TMEM135: variants seen among roughly 807,000 people sequenced by gnomAD.
TMEM135 encodes peroxisomal membrane protein 52.
In TMEM135, 30 loss-of-function variants were observed where a neutral mutation model predicts 60.3. The ratio of observed to expected loss-of-function variants is 0.50; its 90% CI spans 0.37 to 0.68. TMEM135 has a LOEUF of 0.68. Among genes scored for constraint, TMEM135 ranks in the 30% least tolerant of loss-of-function variants. The pLI is 0.00. For missense variants in TMEM135, 468 were observed against 548.8 expected (o/e 0.85, Z 1.47); for synonymous variants, 190 against 186.7 (o/e 1.02, Z -0.14).
chr11:87,169,878 A>AAT (rs1168373086), intron 5 of TMEM135, among the ~76,000 whole-genome samples: 1 of 152,106 alleles, frequency 6.6e-6, no homozygotes, highest in Non-Finnish European at 1.5e-5. Flanking sequence ...TCTTCTGGGT[A>AAT]ATATCCTGAA....
chr11:87,108,911 T>A (rs1048047085), intron 4 of TMEM135, among the ~76,000 whole-genome samples: 4 of 152,140 alleles, frequency 2.6e-5, no homozygotes, highest in Non-Finnish European at 5.9e-5. Flanking sequence ...ATACGTCTCA[T>A]GTATAAAAGG....
At chr11:87,313,680 G>A (rs1942679668) in intron 11 of TMEM135, among the ~76,000 whole-genome samples, 192 bp downstream of exon 11, 1 of 151,712 alleles carries the variant, frequency 6.6e-6, no homozygotes, top group Non-Finnish European at 1.5e-5. Flanking sequence ...CTGATGTTTT[G>A]AGTTGGCAAT....
chr11:87,092,536 C>T (rs1857231715), intron 4 of TMEM135, among the ~76,000 whole-genome samples: 1 of 152,036 alleles, frequency 6.6e-6, no homozygotes, highest in African/African-American at 2.4e-5. Context: ...TTAAAATACT[C>T]CAGAAAATTA....
intron 5 of TMEM135, among the ~76,000 whole-genome samples, chr11:87,190,906 T>C (rs904384620): frequency 3.9e-5 from 6 of 152,248 alleles, no homozygotes; most frequent in Admixed American, 2.0e-4. Flanking sequence ...TTGGATAATA[T>C]GTATTTGCAT....
chr11:87,198,719 C>G (rs1009687658), intron 5 of TMEM135, among the ~76,000 whole-genome samples: 2 of 148,618 alleles, frequency 1.3e-5, no homozygotes, highest in African/African-American at 5.0e-5. Context: ...TTTTTTTTTG[C>G]AATGGATGAG....
At chr11:87,316,283 T>TGA (rs1198860981) in intron 12 of TMEM135, among the ~76,000 whole-genome samples, 30 of 150,690 alleles carry the variant, frequency 2.0e-4, no homozygotes, top group South Asian at 8.4e-4. Flanking sequence ...TGTGTGTGTG[T>TGA]GTGAGAGAGA....
chr11:87,043,513 C>G (rs1450734188), intron 1 of TMEM135, among the ~76,000 whole-genome samples: 2 of 151,820 alleles, frequency 1.3e-5, no homozygotes, highest in African/African-American at 2.4e-5. Context: ...ATCACGAGGT[C>G]AGGAAATGGA....
intron 6 of TMEM135, among the ~76,000 whole-genome samples, chr11:87,287,165 T>C (rs993539347): frequency 6.6e-6 from 1 of 152,166 alleles, no homozygotes; most frequent in Non-Finnish European, 1.5e-5. Context: ...ATAAAAGAAA[T>C]TTAGAGCTGA....
At chr11:87,261,017 T>TAA in intron 6 of TMEM135, among the ~76,000 whole-genome samples, 1 of 152,292 alleles carries the variant, frequency 6.6e-6, no homozygotes, top group East Asian at 1.9e-4. Flanking sequence ...TCTGTAATTG[T>TAA]CTTTAGAATC....
chr11:87,069,096 C>G (rs1255245097), intron 2 of TMEM135, among the ~76,000 whole-genome samples: 2 of 144,312 alleles, frequency 1.4e-5, no homozygotes, highest in African/African-American at 5.2e-5. Flanking sequence ...ACCATCCTGG[C>G]TAACACAGTG....
chr11:87,273,230 G>C (rs1270516332), intron 6 of TMEM135, among the ~76,000 whole-genome samples: 1 of 152,140 alleles, frequency 6.6e-6, no homozygotes, highest in Non-Finnish European at 1.5e-5. Context: ...TTCTGGACAA[G>C]ACACTTTGCT....
At position 87,038,116 on chromosome 11, in the gene TMEM135, G is replaced by T; in HGVS notation, c.71G>T (p.Arg24Leu). 1 of 1,614,138 alleles carries T rather than the reference G, an allele frequency of 6.2e-7. No homozygotes were observed. Among genetic ancestry groups the T allele is most frequent in the Non-Finnish European group, 8.5e-7 (1 of 1,180,030 alleles). The change falls in exon 1 of 15, where the codon CGG becomes CTG. Residue 24 changes from arginine to leucine, a missense_variant. By Grantham distance (102) the Arg-to-Leu change is moderately radical. Transcript: ENST00000305494. ...GGCCACACTTGGCACCCTTCCTGCCGGGTCTCCTTCCTGCAGATCACCGGG... is the reference window on the plus strand; with the variant it reads ...GGCCACACTTGGCACCCTTCCTGCCTGGTCTCCTTCCTGCAGATCACCGGG... ...EIGHTWHPSC[R>L]VSFLQITGGA...
chr11:87,139,013 C>T (rs1301198216), intron 4 of TMEM135, among the ~76,000 whole-genome samples: 1 of 152,130 alleles, frequency 6.6e-6, no homozygotes. Flanking sequence ...GATTATTCAT[C>T]TCTAGTATTT....
At position 87,086,173 on chromosome 11, in the gene TMEM135, A is replaced by G. The variant is rs78923204; in HGVS notation, c.363-5189A>G. The stretch of plus-strand genomic sequence containing the variant: ...TTTTTTTCTGTAAGGATTTGTTCTT[A>G]GAAATACCTTGTTGGCTATGTCTAG... On this transcript the variant is annotated intron_variant, in intron 3 of 14. Transcript: ENST00000305494. Among the ~76,000 whole-genome samples, 283 of 152,296 alleles carry G rather than the reference A, an allele frequency of 1.9e-3. 3 individuals are homozygous for G. In the East Asian group the frequency reaches 0.051, roughly 27 times the overall value.
intron 3 of TMEM135, among the ~76,000 whole-genome samples, chr11:87,078,593 A>G (rs970869263): frequency 2.0e-5 from 3 of 151,974 alleles, no homozygotes; most frequent in Admixed American, 6.6e-5. Context: ...AGTCCAAGTT[A>G]TCTATTTTTT....
At chr11:87,195,234 C>G (rs9326469) in intron 5 of TMEM135, among the ~76,000 whole-genome samples, 1 of 143,140 alleles carries the variant, frequency 7.0e-6, no homozygotes, top group Non-Finnish European at 1.5e-5. Context: ...TCTTCTTTTT[C>G]TTTTTTTAAA....
At chr11:87,156,816 G>C (rs1938707343) in intron 4 of TMEM135, among the ~76,000 whole-genome samples, 1 of 152,172 alleles carries the variant, frequency 6.6e-6, no homozygotes, top group East Asian at 1.9e-4. Context: ...CTTCCAAGTT[G>C]AATTTAAATG....
chr11:87,255,317 G>T (rs1189591869), intron 6 of TMEM135, among the ~76,000 whole-genome samples: 1 of 152,204 alleles, frequency 6.6e-6, no homozygotes, highest in East Asian at 1.9e-4. Flanking sequence ...GCCTTACTCT[G>T]AACTAGTTGT....
intron 6 of TMEM135, among the ~76,000 whole-genome samples, chr11:87,238,825 T>C (rs1294443022): frequency 6.6e-6 from 1 of 152,064 alleles, no homozygotes; most frequent in Non-Finnish European, 1.5e-5. Context: ...ACATAACTTG[T>C]TGACATACAC....
Sources: gnomAD v4.1 joint callset for allele counts (sites outside exome capture counted in the v4.1 genomes callset) on GRCh38, gnomAD v4.1.1 for gene constraint, MANE v1.5 for transcripts, NCBI Gene and HGNC (gene_info 2026-07-23, HGNC 2026-07-21) for gene names.